MIB1: variants seen among roughly 807,000 people sequenced by gnomAD.
MIB1 encodes E3 ubiquitin-protein ligase MIB1.
Under a neutral mutation model 124.5 loss-of-function variants are expected in MIB1, and 278 were observed. The ratio of observed to expected loss-of-function variants is 2.23; its 90% CI spans 2.02 to 2.47. The LOEUF is 2.47. MIB1 is among the 30% of genes most tolerant of loss of function. The pLI, the probability that MIB1 is intolerant of heterozygous loss-of-function variation, is 0.00. For synonymous variants in MIB1, 446 were observed against 429.4 expected, an observed-to-expected ratio of 1.04 and a Z score of -0.48; for missense variants, 957 against 1,254.4, an observed-to-expected ratio of 0.76 and a Z score of 3.58.
intron 1 of MIB1, among the ~76,000 whole-genome samples, chr18:21,720,682 C>T (rs1192420823): frequency 6.6e-6 from 1 of 152,082 alleles, no homozygotes; most frequent in African/African-American, 2.4e-5. Flanking sequence ...GGCACGGTGG[C>T]TTATGCCTGT....
chr18:21,717,333 A>G (rs2040693911), intron 1 of MIB1, among the ~76,000 whole-genome samples: 1 of 152,214 alleles, frequency 6.6e-6, no homozygotes, highest in Non-Finnish European at 1.5e-5. Context: ...GCATTGGCTT[A>G]GGCAAGGATT....
At chr18:21,716,085 G>A (rs1435974787) in intron 1 of MIB1, among the ~76,000 whole-genome samples, 1 of 152,186 alleles carries the variant, frequency 6.6e-6, no homozygotes, top group Non-Finnish European at 1.5e-5. Flanking sequence ...AGTTAAGAAG[G>A]AAGAAAGAAT....
chr18:21,765,109 A>T (rs1461884689), intron 1 of MIB1, among the ~76,000 whole-genome samples: 1 of 152,190 alleles, frequency 6.6e-6, no homozygotes, highest in Non-Finnish European at 1.5e-5. Flanking sequence ...TATAGTTCTA[A>T]TGTCTGTCTC....
chr18:21,832,910 T>C (rs960486985), intron 12 of MIB1, among the ~76,000 whole-genome samples: 3 of 152,234 alleles, frequency 2.0e-5, no homozygotes, highest in Non-Finnish European at 4.4e-5. Flanking sequence ...AAAGTACTTA[T>C]TTTTTAAGCA....
intron 17 of MIB1, 45 bp from the exon 18 acceptor site, chr18:21,853,095 A>T (rs957460742): frequency 7.7e-7 from 1 of 1,293,180 alleles, no homozygotes; most frequent in Non-Finnish European, 1.1e-6. Flanking sequence ...GAGTTACTAG[A>T]TTTATCTGTA....
chr18:21,823,773 AT>A (rs2146483645), intron 12 of MIB1, among the ~76,000 whole-genome samples: 1 of 152,302 alleles, frequency 6.6e-6, no homozygotes, highest in East Asian at 1.9e-4. Flanking sequence ...TTTTTGAGAA[AT>A]CTTAACTAAG....
chr18:21,738,001 G>A (rs2040803594), upstream of MIB1, among the ~76,000 whole-genome samples: 1 of 152,066 alleles, frequency 6.6e-6, no homozygotes, highest in Non-Finnish European at 1.5e-5. Context: ...ATCCAGGACT[G>A]GAACTCAGCT....
At chr18:21,798,761 C>CACAT (rs1223752721) in intron 8 of MIB1, among the ~76,000 whole-genome samples, 2 of 152,042 alleles carry the variant, frequency 1.3e-5, no homozygotes, top group East Asian at 3.8e-4. Flanking sequence ...TTGACTCTTT[C>CACAT]ACATAGTCTT....
chr18:21,803,476 G>T (rs2041671382), intron 9 of MIB1, among the ~76,000 whole-genome samples: 1 of 152,138 alleles, frequency 6.6e-6, no homozygotes, highest in African/African-American at 2.4e-5. Flanking sequence ...CCTGCAAGTT[G>T]ATGTTTGGTA....
intron 4 of MIB1, among the ~76,000 whole-genome samples, 157 bp downstream of exon 4, chr18:21,773,885 C>T (rs1300481487): frequency 6.6e-6 from 1 of 152,048 alleles, no homozygotes; most frequent in Non-Finnish European, 1.5e-5. Flanking sequence ...ATATGATTTG[C>T]CTTTAGTTTA....
upstream of MIB1, among the ~76,000 whole-genome samples, chr18:21,737,317 CAGA>C (rs2040800795): frequency 1.3e-5 from 2 of 152,156 alleles, no homozygotes; most frequent in African/African-American, 4.8e-5. Flanking sequence ...AAATCATTTT[CAGA>C]CAAGCAAATG....
rs755675508 is a variant in MIB1, at chr18:21,741,535, AGCGGCGGCG to A, written c.-37_-29del. The A allele has an allele frequency of 1.0e-4, 124 of 1,231,476 alleles. 1 individual carries two copies. The highest frequency in any genetic ancestry group is 6.3e-4 in the Middle Eastern group (2 of 3,184). 76.3% of individuals were successfully genotyped at this position (1,231,476 alleles called of 1,614,324 possible). The stretch of plus-strand genomic sequence containing the variant: ...ACTCCCTCACGGGCCCCCCGGCGGC[AGCGGCGGCG>A]GCGGCGGCGGCAGCGGCGGAGCCCA... On this transcript the variant is annotated 5_prime_UTR_variant, in exon 1 of 21. Transcript: ENST00000261537. The surrounding 1 kb of genome is among the most constrained non-coding windows in gnomAD (Gnocchi z 5.4).
intron 6 of MIB1, 73 bp from the exon 7 acceptor site, chr18:21,791,301 C>A: frequency 1.6e-6 from 2 of 1,288,370 alleles, no homozygotes; most frequent in Non-Finnish European, 2.1e-6. Flanking sequence ...CTCTTTTGAT[C>A]TTCACTGTTT....
At chr18:21,803,847 A>G in intron 9 of MIB1, 60 bp from the exon 10 acceptor site, 2 of 1,246,536 alleles carry the variant, frequency 1.6e-6, no homozygotes, top group Non-Finnish European at 1.2e-6. Flanking sequence ...CACCGTATGT[A>G]TATATTGCCT....
chr18:21,816,778 A>G (rs988457698), intron 11 of MIB1, among the ~76,000 whole-genome samples: 2 of 152,214 alleles, frequency 1.3e-5, no homozygotes, highest in African/African-American at 2.4e-5. Flanking sequence ...GATTTTGTTC[A>G]GCTAGATAAT....
At chr18:21,757,088 A>G (rs931897727) in intron 1 of MIB1, among the ~76,000 whole-genome samples, 1 of 151,886 alleles carries the variant, frequency 6.6e-6, no homozygotes, top group Non-Finnish European at 1.5e-5. Flanking sequence ...TCTTAATGCA[A>G]CTCTTACTAT....
chr18:21,823,519 T>C (rs914303297), intron 12 of MIB1, among the ~76,000 whole-genome samples: 5 of 152,212 alleles, frequency 3.3e-5, no homozygotes, highest in Non-Finnish European at 7.4e-5. Flanking sequence ...TTGAAGTCTC[T>C]ATTTCAAAGG....
intron 11 of MIB1, among the ~76,000 whole-genome samples, chr18:21,816,979 G>T (rs1273362620): frequency 3.3e-5 from 5 of 151,902 alleles, no homozygotes; most frequent in Non-Finnish European, 5.9e-5. Flanking sequence ...TGTTGAGAGT[G>T]GTGGGTAGAG....
At chr18:21,799,811 A>G (rs535343789) in intron 8 of MIB1, 30 bp from the exon 9 acceptor site, 11 of 1,597,290 alleles carry the variant, frequency 6.9e-6, no homozygotes, top group African/African-American at 1.3e-5. Flanking sequence ...AGATCCTCCT[A>G]TATTAGCAGC....
Sources: allele counts gnomAD v4.1 joint callset (sites outside exome capture counted in the v4.1 genomes callset), GRCh38; gene constraint gnomAD v4.1.1; non-coding constraint Gnocchi (gnomAD v3.1); transcripts MANE v1.5; gene names NCBI Gene and HGNC (gene_info 2026-07-23, HGNC 2026-07-21).